The following SAMSN1 variants were observed in gnomAD, a reference collection of about 807,000 sequenced individuals.
The protein encoded by SAMSN1 is SAM domain-containing protein SAMSN-1.
In SAMSN1, 31 loss-of-function variants were observed where a neutral mutation model predicts 42.0. The ratio of observed to expected loss-of-function variants is 0.74; its 90% CI spans 0.55 to 1.00. SAMSN1 has a LOEUF of 1.00. SAMSN1 is among the 50% of genes least tolerant of loss of function. SAMSN1 has a pLI of 0.00. For synonymous variants in SAMSN1, 178 were observed against 151.9 expected (o/e 1.17, Z -1.26); for missense variants, 464 against 439.4 (o/e 1.06, Z -0.50).
chr21:14,495,995 G>A (rs1437349252), intron 7 of SAMSN1: 1 of 152,130 alleles, frequency 6.6e-6, no homozygotes, highest in African/African-American at 2.4e-5. Context: ...GATGAGTGAA[G>A]TGGAATGAAA....
At chr21:14,510,198 T>C in intron 5 of SAMSN1, 112 bp downstream of exon 5, 1 of 1,016,972 alleles carries the variant, frequency 9.8e-7, no homozygotes, top group South Asian at 1.5e-5. Flanking sequence ...CCACTTCTAC[T>C]GTTGGGAAGA....
chr21:14,634,982 C>T (rs1244509369), intron 2 of SAMSN1, among the ~76,000 whole-genome samples: 1 of 152,102 alleles, frequency 6.6e-6, no homozygotes, highest in Non-Finnish European at 1.5e-5. Flanking sequence ...ACATATACAC[C>T]ATGAAATACT....
chr21:14,617,392 T>C (rs1404701053), intron 2 of SAMSN1, among the ~76,000 whole-genome samples: 1 of 152,208 alleles, frequency 6.6e-6, no homozygotes, highest in African/African-American at 2.4e-5. Context: ...CTAATTGTGT[T>C]CCTTGCCCCA....
At chr21:14,552,887 C>A (rs1377699951) in intron 2 of SAMSN1, among the ~76,000 whole-genome samples, 1 of 151,990 alleles carries the variant, frequency 6.6e-6, no homozygotes, top group Non-Finnish European at 1.5e-5. Flanking sequence ...CTTCACATTT[C>A]TACAATATTG....
chr21:14,652,448 T>G (rs1479925529), intron 1 of SAMSN1, among the ~76,000 whole-genome samples: 1 of 152,016 alleles, frequency 6.6e-6, no homozygotes, highest in African/African-American at 2.4e-5. Flanking sequence ...GAAAAGACAG[T>G]CTCTTCAATA....
chr21:14,608,715 T>C (rs1286957043), intron 5 of SAMSN1, among the ~76,000 whole-genome samples: 2 of 152,180 alleles, frequency 1.3e-5, no homozygotes, highest in East Asian at 3.9e-4. Flanking sequence ...GAAAGGACTT[T>C]GTCTTGCAGC....
exon 2 of SAMSN1, chr21:14,582,467 ATCAAC>A: frequency 7.7e-7 from 1 of 1,306,504 alleles, no homozygotes; most frequent in South Asian, 1.3e-5. Context: ...CAAACAAGAA[ATCAAC>A]GTGTCATCTT....
intron 2 of SAMSN1, among the ~76,000 whole-genome samples, chr21:14,631,092 T>C (rs1048676875): frequency 6.6e-6 from 1 of 152,222 alleles, no homozygotes; most frequent in Non-Finnish European, 1.5e-5. Flanking sequence ...TCTGGGACAC[T>C]GTGCAGTGAC....
At chr21:14,535,602 C>A (rs1979556083) in intron 1 of SAMSN1, among the ~76,000 whole-genome samples, 1 of 152,078 alleles carries the variant, frequency 6.6e-6, no homozygotes, top group Non-Finnish European at 1.5e-5. Flanking sequence ...GGATATAAAG[C>A]CTTTAAAGAG....
At chr21:14,608,993 C>T (rs1982633387) in intron 5 of SAMSN1, among the ~76,000 whole-genome samples, 1 of 151,984 alleles carries the variant, frequency 6.6e-6, no homozygotes, top group African/African-American at 2.4e-5. Context: ...ATATGTTATT[C>T]TATACCTGAC....
chr21:14,618,656 ATGTGTGTGTGTGTGTGTG>A (rs3050614), intron 2 of SAMSN1, among the ~76,000 whole-genome samples: 6 of 149,060 alleles, frequency 4.0e-5, no homozygotes, highest in African/African-American at 1.2e-4. Flanking sequence ...ACAGCTGTGT[ATGTGTGTGTGTGTGTGTG>A]TGTGTGTGTG....
chr21:14,537,277 A>C (rs2123122001), intron 1 of SAMSN1, among the ~76,000 whole-genome samples: 1 of 152,228 alleles, frequency 6.6e-6, no homozygotes. Context: ...ACCAATCCCA[A>C]GACCAGCTCC....
chr21:14,505,731 T>C (rs995316784), intron 5 of SAMSN1, among the ~76,000 whole-genome samples: 2 of 152,196 alleles, frequency 1.3e-5, no homozygotes, highest in African/African-American at 2.4e-5. Flanking sequence ...ATTTAAATTA[T>C]ACCCTGGAAC....
At chr21:14,622,054 G>A (rs1176693648) in intron 2 of SAMSN1, among the ~76,000 whole-genome samples, 2 of 152,230 alleles carry the variant, frequency 1.3e-5, no homozygotes, top group Admixed American at 6.5e-5. Context: ...CATACCTGCA[G>A]CTGAGGGTCC....
At chr21:14,625,135 A>G (rs560578228) in intron 2 of SAMSN1, among the ~76,000 whole-genome samples, 2 of 152,300 alleles carry the variant, frequency 1.3e-5, no homozygotes, top group Admixed American at 1.3e-4. Flanking sequence ...TCTCAAAATA[A>G]TAAGAGCTAT....
At chr21:14,615,915 A>G (rs967890512) in intron 3 of SAMSN1, 2 of 464,276 alleles carry the variant, frequency 4.3e-6, no homozygotes, top group Admixed American at 7.6e-5. Flanking sequence ...TCCACTAAAA[A>G]TTCACATTCA....
chr21:14,628,476 A>C (rs562145258), intron 2 of SAMSN1, among the ~76,000 whole-genome samples: 1 of 152,292 alleles, frequency 6.6e-6, no homozygotes, highest in Admixed American at 6.5e-5. Flanking sequence ...TCATAGACTA[A>C]TTTTTCAGTG....
At chr21:14,518,057 C>T (rs766485492) in intron 2 of SAMSN1, among the ~76,000 whole-genome samples, 6 of 152,332 alleles carry the variant, frequency 3.9e-5, no homozygotes, top group East Asian at 3.9e-4. Flanking sequence ...GCCATGCTAG[C>T]CCCCTTGCAG....
chr21:14,541,880 C>T (rs184569909), intron 1 of SAMSN1, among the ~76,000 whole-genome samples: 57 of 151,586 alleles, frequency 3.8e-4, no homozygotes, highest in Admixed American at 7.9e-4. Flanking sequence ...GTGATTCCAG[C>T]GACTCGGGAG....
Sources: allele counts gnomAD v4.1 joint callset (sites outside exome capture counted in the v4.1 genomes callset), GRCh38; gene constraint gnomAD v4.1.1; transcripts MANE v1.5; gene names NCBI Gene and HGNC (gene_info 2026-07-23, HGNC 2026-07-21).